CIMIP5: variants seen among roughly 807,000 people sequenced by gnomAD.
The protein encoded by CIMIP5 is ciliary microtubule inner protein 5, also known as uncharacterized protein C2orf50.
the CIMIP5 span, among the ~76,000 whole-genome samples, chr2:11,135,654 T>G: frequency 9.7e-5 from 10 of 103,514 alleles, no homozygotes; most frequent in East Asian, 9.8e-4. Flanking sequence ...TGGTTTTTTT[T>G]GGGGTTTTTT....
At chr2:11,142,019 A>T in the CIMIP5 span, among the ~76,000 whole-genome samples, 2 of 152,160 alleles carry the variant, frequency 1.3e-5, no homozygotes, top group East Asian at 3.9e-4. Context: ...TAATCTCAAC[A>T]CTTTGGGAGG....
the CIMIP5 span, chr2:11,144,168 C>T: frequency 6.9e-7 from 1 of 1,451,764 alleles, no homozygotes; most frequent in Admixed American, 2.3e-5. Context: ...GACAAGAGAC[C>T]CAGCCCACAA....
the CIMIP5 span, among the ~76,000 whole-genome samples, chr2:11,154,354 T>C: frequency 1.3e-5 from 2 of 152,102 alleles, no homozygotes; most frequent in African/African-American, 2.4e-5. Flanking sequence ...ACCTGTTTTT[T>C]TTTTTCCATA....
the CIMIP5 span, among the ~76,000 whole-genome samples, chr2:11,135,381 T>C: frequency 6.6e-6 from 1 of 152,226 alleles, no homozygotes; most frequent in Non-Finnish European, 1.5e-5. Flanking sequence ...TCTTTTGTTT[T>C]TTGATAACAG....
At chr2:11,137,832 G>A in the CIMIP5 span, among the ~76,000 whole-genome samples, 1 of 152,078 alleles carries the variant, frequency 6.6e-6, no homozygotes. Flanking sequence ...GTCTAAGAAA[G>A]GTTTTATTTT....
the CIMIP5 span, among the ~76,000 whole-genome samples, chr2:11,143,761 G>A: frequency 6.6e-6 from 1 of 152,194 alleles, no homozygotes; most frequent in East Asian, 1.9e-4. Context: ...AGAGGCTGTG[G>A]CATCGGGTCA....
chr2:11,140,554 G>T, the CIMIP5 span: 1 of 1,562,956 alleles, frequency 6.4e-7, no homozygotes, highest in South Asian at 1.2e-5. Context: ...CCAATGGTAA[G>T]GTAAAATATG....
the CIMIP5 span, among the ~76,000 whole-genome samples, chr2:11,148,079 C>A: frequency 5.3e-5 from 8 of 151,720 alleles, no homozygotes; most frequent in African/African-American, 1.9e-4. Context: ...GAATCAAGAC[C>A]TGAGAGCCAT....
chr2:11,144,139 C>T, the CIMIP5 span: 4 of 1,533,288 alleles, frequency 2.6e-6, no homozygotes, highest in Non-Finnish European at 3.5e-6. Context: ...CTGGCCTTCC[C>T]CAGGTGGGTG....
the CIMIP5 span, among the ~76,000 whole-genome samples, chr2:11,147,274 T>C: frequency 2.0e-5 from 3 of 152,218 alleles, no homozygotes; most frequent in Admixed American, 2.0e-4. Context: ...ATCTCATGTG[T>C]GACTTCTCCA....
the CIMIP5 span, among the ~76,000 whole-genome samples, chr2:11,148,418 A>G: frequency 6.6e-6 from 1 of 151,686 alleles, no homozygotes; most frequent in East Asian, 1.9e-4. Flanking sequence ...CGCCCAGCCA[A>G]CTTTCCACAT....
chr2:11,150,204 G>A, the CIMIP5 span, among the ~76,000 whole-genome samples: 1 of 152,178 alleles, frequency 6.6e-6, no homozygotes, highest in Non-Finnish European at 1.5e-5. Flanking sequence ...CTCCCAAAGT[G>A]CTGGGATTAC....
the CIMIP5 span, among the ~76,000 whole-genome samples, chr2:11,148,396 C>A: frequency 1.3e-5 from 2 of 152,218 alleles, no homozygotes; most frequent in African/African-American, 4.8e-5. Flanking sequence ...GGATTACAGG[C>A]ATGAGCCACT....
chr2:11,148,127 T>G, the CIMIP5 span, among the ~76,000 whole-genome samples: 2 of 151,676 alleles, frequency 1.3e-5, no homozygotes, highest in African/African-American at 4.9e-5. Flanking sequence ...CATTTTTTTT[T>G]TTTTTGAGAT....
the CIMIP5 span, among the ~76,000 whole-genome samples, chr2:11,138,224 T>C: frequency 6.6e-6 from 1 of 152,350 alleles, no homozygotes; most frequent in Middle Eastern, 3.4e-3. Context: ...TTCAGTTTTG[T>C]TGGAGCATGT....
At chr2:11,143,474 A>G in the CIMIP5 span, among the ~76,000 whole-genome samples, 7 of 151,714 alleles carry the variant, frequency 4.6e-5, no homozygotes, top group Non-Finnish European at 8.8e-5. Context: ...GGTTGGGCAC[A>G]TGGGCATCTT....
the CIMIP5 span, among the ~76,000 whole-genome samples, chr2:11,137,657 A>G: frequency 5.3e-5 from 8 of 152,190 alleles, no homozygotes; most frequent in Admixed American, 4.6e-4. Context: ...GTCCACAGAT[A>G]TTGGAGTAGG....
chr2:11,134,480 C>T, the CIMIP5 span, among the ~76,000 whole-genome samples: 1 of 152,188 alleles, frequency 6.6e-6, no homozygotes, highest in Admixed American at 6.5e-5. Context: ...TTAGCAACGC[C>T]CCATTCCCCC....
At chr2:11,151,675 A>G in the CIMIP5 span, among the ~76,000 whole-genome samples, 1 of 152,080 alleles carries the variant, frequency 6.6e-6, no homozygotes, top group Non-Finnish European at 1.5e-5. Flanking sequence ...TCTGTCACCC[A>G]CTCTGTCTGG....
Sources: gnomAD v4.1 joint callset for allele counts (sites outside exome capture counted in the v4.1 genomes callset) on GRCh38, gnomAD v4.1.1 for gene constraint, MANE v1.5 for transcripts, NCBI Gene and HGNC (gene_info 2026-07-23, HGNC 2026-07-21) for gene names.